The following SYNE1 variants were observed in gnomAD, a reference collection of about 807,000 sequenced individuals.
SYNE1 encodes the protein spectrin repeat containing nuclear envelope protein 1.
In SYNE1, 616 loss-of-function variants were observed where a neutral mutation model predicts 1,111.0. The ratio of observed to expected loss-of-function variants is 0.55; its 90% CI spans 0.52 to 0.59. SYNE1 has a LOEUF of 0.59. SYNE1 is among the 20% of genes least tolerant of loss of function. The pLI is 0.00. For missense variants in SYNE1, 10,006 were observed against 10,417.0 expected (o/e 0.96, Z 1.72); for synonymous variants, 3,855 against 3,825.8 (o/e 1.01, Z -0.28).
At chr6:152,496,431 C>T (rs2098999730) in intron 11 of SYNE1, among the ~76,000 whole-genome samples, 1 of 152,088 alleles carries the variant, frequency 6.6e-6, no homozygotes, top group African/African-American at 2.4e-5. Flanking sequence ...CTGGTTCCTC[C>T]CAATTCTTAG....
At chr6:152,619,415 T>C (rs1000332079) in intron 3 of SYNE1, among the ~76,000 whole-genome samples, 2 of 152,150 alleles carry the variant, frequency 1.3e-5, no homozygotes, top group African/African-American at 2.4e-5. Flanking sequence ...TTGCCTTACT[T>C]TTGGGGAGGG....
Position 152,357,144 on chromosome 6 carries a change from G to A in SYNE1, c.10608+1229C>T, listed in dbSNP as rs182429931. Among the ~76,000 whole-genome samples, 122 of 152,192 alleles carry A rather than the reference G, an allele frequency of 8.0e-4. 1 individual carries two copies. The highest frequency in any genetic ancestry group is 1.3e-3 in the Non-Finnish European group (88 of 68,014). Reference sequence around the variant, plus strand: ...TATTTACTTACTTCATGAGTAGACCGTATATTTAAATAAGATTTTCTTCCA... The same window carrying A: ...TATTTACTTACTTCATGAGTAGACCATATATTTAAATAAGATTTTCTTCCA... On this transcript the variant is annotated intron_variant, in intron 66 of 145. Transcript: ENST00000367255.
In SYNE1 at chr6:152,462,956, T is replaced by A. The variant is rs980183520; in HGVS notation, c.2098-66A>T. The A allele has an allele frequency of 1.7e-5, 26 of 1,553,010 alleles. No homozygotes were observed. In the African/African-American group the frequency reaches 3.3e-4, roughly 19 times the overall value. ...TAGCTGCGACCACTGGAACCACAAC[T>A]TTCACTTTCACATATTCGCTGGAAT... On this transcript the variant is annotated intron_variant, in intron 19 of 145. Transcript: ENST00000367255.
intron 59 of SYNE1, among the ~76,000 whole-genome samples, chr6:152,372,595 T>C (rs943701772): frequency 6.6e-6 from 1 of 152,224 alleles, no homozygotes; most frequent in African/African-American, 2.4e-5. Flanking sequence ...TATATAAACA[T>C]TGTTTCTGCA....
chr6:152,397,975 T>G (rs2097761652), intron 49 of SYNE1, among the ~76,000 whole-genome samples: 1 of 148,294 alleles, frequency 6.7e-6, no homozygotes, highest in African/African-American at 2.5e-5. Context: ...CACTCCAGCC[T>G]GGGTGACAGA....
intron 144 of SYNE1, 41 bp downstream of exon 144, chr6:152,132,081 C>A: frequency 1.3e-6 from 2 of 1,573,810 alleles, no homozygotes; most frequent in South Asian, 2.2e-5. Flanking sequence ...TCCCAGTGTT[C>A]ACTCCCATGG....
chr6:152,535,173 C>A (rs1425940115), intron 4 of SYNE1, among the ~76,000 whole-genome samples: 1 of 152,180 alleles, frequency 6.6e-6, no homozygotes, highest in Non-Finnish European at 1.5e-5. Context: ...TGCACAGAGG[C>A]AGAGACTGAA....
At chr6:152,470,086 A>C (rs1342716280) in intron 16 of SYNE1, among the ~76,000 whole-genome samples, 1 of 152,234 alleles carries the variant, frequency 6.6e-6, no homozygotes, top group Non-Finnish European at 1.5e-5. Context: ...TAGGATAATC[A>C]GCAATTTTAT....
chr6:152,532,333 T>C (rs955169722), intron 4 of SYNE1, among the ~76,000 whole-genome samples: 10 of 152,190 alleles, frequency 6.6e-5, no homozygotes, highest in African/African-American at 2.4e-4. Flanking sequence ...ATAATCACTT[T>C]TAGTCTTCTA....
chr6:152,486,374 AT>A (rs1343094623), intron 12 of SYNE1, among the ~76,000 whole-genome samples: 2 of 152,142 alleles, frequency 1.3e-5, no homozygotes, highest in East Asian at 3.9e-4. Context: ...ATGAAATGAA[AT>A]TTTCCCTAAA....
chr6:152,526,185 C>T lies in SYNE1; in HGVS notation c.130-10G>A, dbSNP rs369367017. 1.9e-6 allele frequency: 3 copies of T among 1,612,740 alleles called. No homozygotes were observed. The South Asian group carries it at 3.3e-5, about 18-fold the overall frequency. ...CCATTGGAGGTTTCCGCTGTAAAAG[C>T]AAAGAGGAATAAGTGCAGAAAATAT... On this transcript the variant is annotated splice_polypyrimidine_tract_variant and intron_variant, in intron 4 of 145. Transcript: ENST00000367255.
intron 143 of SYNE1, among the ~76,000 whole-genome samples, chr6:152,133,060 G>A (rs1188811299): frequency 6.6e-6 from 1 of 152,132 alleles, no homozygotes; most frequent in Non-Finnish European, 1.5e-5. Context: ...CAACAAGAGA[G>A]CTTTTGGATT....
intron 98 of SYNE1, chr6:152,277,577 G>A (rs7356992): frequency 0.25 from 42,955 of 173,084 alleles, 6,317 homozygotes; most frequent in East Asian, 0.52. Flanking sequence ...CGTGAGCCAC[G>A]GCGCCCTGCC....
chr6:152,476,217 C>G (rs970921975), intron 14 of SYNE1, among the ~76,000 whole-genome samples: 11 of 152,198 alleles, frequency 7.2e-5, no homozygotes, highest in Non-Finnish European at 1.6e-4. Context: ...CTCCACATAT[C>G]CTCTTGGATG....
In SYNE1 at chr6:152,255,576, A is replaced by C; in HGVS notation, c.19260+15T>G. 6.2e-7 allele frequency: 1 copy of C among 1,613,894 alleles called. No individual in the cohort carries two copies. The highest frequency in any genetic ancestry group is 8.5e-7 in the Non-Finnish European group (1 of 1,179,758). The stretch of plus-strand genomic sequence containing the variant: ...GTAATGTTATACACACACAGGCAGG[A>C]ACTACTAAACCTACCTCTTGGTTGA... On this transcript the variant is annotated intron_variant, in intron 103 of 145. Coordinates refer to ENST00000367255, the MANE Select transcript of SYNE1 (RefSeq NM_182961.4).
chr6:152,418,940 G>A (rs773440257), intron 40 of SYNE1, among the ~76,000 whole-genome samples: 36 of 152,198 alleles, frequency 2.4e-4, no homozygotes, highest in Non-Finnish European at 2.8e-4. Context: ...TGAAGCCCCA[G>A]CCCCTATTTC....
intron 10 of SYNE1, among the ~76,000 whole-genome samples, chr6:152,501,862 A>C (rs911500773): frequency 1.3e-5 from 2 of 152,216 alleles, no homozygotes; most frequent in Non-Finnish European, 2.9e-5. Context: ...ATGTACATAC[A>C]TAAGTTGACC....
At chr6:152,598,109 C>T (rs1325250199) in intron 3 of SYNE1, among the ~76,000 whole-genome samples, 2 of 152,154 alleles carry the variant, frequency 1.3e-5, no homozygotes, top group Non-Finnish European at 2.9e-5. Flanking sequence ...TATGGTTTGG[C>T]TGTGTCCCCA....
Position 152,294,043 on chromosome 6 carries a change from C to G in SYNE1, c.17767G>C (p.Glu5923Gln), listed in dbSNP as rs1161308567. Residue 5923 changes from glutamate (E) to glutamine (Q), a missense_variant, in exon 94 of 146, where the codon GAG (glutamate) becomes CAG (glutamine). Physicochemically the swap from Glu to Gln is conservative, Grantham distance 29. Transcript: ENST00000367255. ...GGCTCCAATCCCGGTTCATAGAACT[C>G]CTGGGATGCGGATGTGCTGGGGTGA... ...KIHPSTSASQ[E>Q]FYEPGLEPSA... 6.2e-6 allele frequency: 10 copies of G among 1,614,018 alleles called. No homozygotes were observed. Among genetic ancestry groups the G allele is most frequent in the Non-Finnish European group, 8.5e-6 (10 of 1,180,016 alleles).
Sources: gnomAD v4.1 joint callset for allele counts (sites outside exome capture counted in the v4.1 genomes callset) on GRCh38, gnomAD v4.1.1 for gene constraint, MANE v1.5 for transcripts, NCBI Gene and HGNC (gene_info 2026-07-23, HGNC 2026-07-21) for gene names.